CNKSR2: variants seen among roughly 807,000 people sequenced by gnomAD.
CNKSR2 encodes connector enhancer of kinase suppressor of Ras 2, also known as CNK homolog protein 2.
CNKSR2 carries 14 observed loss-of-function variants against 84.4 expected under a neutral mutation model. The observed-to-expected ratio is 0.17, with a 90% CI of 0.11 to 0.26. The LOEUF (loss-of-function observed/expected upper bound fraction) is 0.26, where lower values mean the gene tolerates loss of function less well. Ranked by LOEUF, CNKSR2 falls within the 10% of genes least tolerant of loss-of-function variation. The pLI is 1.00. For missense variants in CNKSR2, 485 were observed against 771.2 expected, an observed-to-expected ratio of 0.63 and a Z score of 4.40; for synonymous variants, 275 against 277.9, an observed-to-expected ratio of 0.99 and a Z score of 0.10.
rs181751789 is a variant in CNKSR2 at position 21,410,399 on chromosome X, G to A, written c.65-16098G>A. The stretch of plus-strand genomic sequence containing the variant: ...TATAAATTTTAGGAGAATAAAACAG[G>A]GCCTTCAAAATAGGCTGTTTTCCTG... On this transcript the variant is annotated intron_variant, in intron 1 of 21. Transcript: ENST00000379510. Among the ~76,000 whole-genome samples the A allele has an allele frequency of 3.1e-3, 345 of 110,397 alleles. 1 individual carries two copies. The highest frequency in any genetic ancestry group is 3.6e-3 in the Non-Finnish European group (189 of 52,602).
At chrX:21,576,246 A>T (rs1198300731) in intron 13 of CNKSR2, among the ~76,000 whole-genome samples, 1 of 112,644 alleles carries the variant, frequency 8.9e-6, no homozygotes, top group East Asian at 2.8e-4. Context: ...AATGAAATCA[A>T]ACTAGACATC....
chrX:21,494,962 G>A (rs1314067874), intron 6 of CNKSR2: 2 of 111,493 alleles, frequency 1.8e-5, no homozygotes, highest in African/African-American at 6.5e-5. Context: ...AAGAGAGATG[G>A]GTAATTGAAA....
intron 8 of CNKSR2, among the ~76,000 whole-genome samples, chrX:21,507,848 T>G (rs2091629608): frequency 8.9e-6 from 1 of 111,915 alleles, no homozygotes; most frequent in Non-Finnish European, 1.9e-5. Flanking sequence ...GCTTTAACAT[T>G]TTAGATAAGG....
rs1050547515 is a variant in CNKSR2 at position 21,524,922 on chromosome X, A to G, written c.958-1945A>G. Reference sequence around the variant, plus strand: ...AGAGCATTTAAAAAGCATACTGAATATTAGTTTTTCTCTCACAGTGTATCT... The same window carrying G: ...AGAGCATTTAAAAAGCATACTGAATGTTAGTTTTTCTCTCACAGTGTATCT... On this transcript the variant is annotated intron_variant, in intron 9 of 21. Coordinates refer to ENST00000379510, the MANE Select transcript of CNKSR2 (RefSeq NM_014927.5). Among the ~76,000 whole-genome samples the G allele has an allele frequency of 1.4e-4, 16 of 111,714 alleles. 1 individual carries two copies. Among genetic ancestry groups the G allele is most frequent in the Admixed American group, 1.4e-3 (15 of 10,549 alleles).
At chrX:21,417,872 CT>C (rs1187130866) in intron 1 of CNKSR2, among the ~76,000 whole-genome samples, 1 of 111,199 alleles carries the variant, frequency 9.0e-6, no homozygotes, top group African/African-American at 3.3e-5. Flanking sequence ...CACTCTATGA[CT>C]TTTTATTGGA....
intron 11 of CNKSR2, among the ~76,000 whole-genome samples, chrX:21,544,812 G>C (rs1387622285): frequency 9.0e-6 from 1 of 111,254 alleles, no homozygotes; most frequent in Non-Finnish European, 1.9e-5. Context: ...CCCTAGCCAA[G>C]GGAAGCCATG....
chrX:21,466,649 A>G lies in CNKSR2; in HGVS notation c.520-4117A>G, dbSNP rs752160423. On this transcript the variant is annotated intron_variant, in intron 4 of 21. Coordinates refer to ENST00000379510, the MANE Select transcript of CNKSR2 (RefSeq NM_014927.5). ...ACCCAGGCTGGAGTGCAGTGGTGCA[A>G]TCTTGGCTCACTGCAACCTCTACCT... Among the ~76,000 whole-genome samples, 130 of 110,959 alleles carry G rather than the reference A, an allele frequency of 1.2e-3. 2 individuals carry two copies. The highest frequency in any genetic ancestry group is 3.9e-3 in the African/African-American group (120 of 30,499).
At chrX:21,503,875 A>G (rs1359775718) in intron 8 of CNKSR2, 1 of 111,280 alleles carries the variant, frequency 9.0e-6, no homozygotes, top group African/African-American at 3.3e-5. Context: ...GAGCTCAATA[A>G]CAACTTTGCA....
At chrX:21,427,520 G>A (rs1313318488) in intron 2 of CNKSR2, 1 of 111,449 alleles carries the variant, frequency 9.0e-6, no homozygotes, top group Non-Finnish European at 1.9e-5. Flanking sequence ...AACAAGCTGA[G>A]TTGACTAGTC....
chrX:21,394,146 ATAAT>A (rs1661041805), intron 1 of CNKSR2, among the ~76,000 whole-genome samples: 1 of 112,080 alleles, frequency 8.9e-6, no homozygotes, highest in South Asian at 3.7e-4. Flanking sequence ...TAGCTGAGGA[ATAAT>A]TAATATATAG....
At chrX:21,523,391 A>G (rs1428090367) in intron 9 of CNKSR2, among the ~76,000 whole-genome samples, 1 of 111,420 alleles carries the variant, frequency 9.0e-6, no homozygotes, top group Non-Finnish European at 1.9e-5. Context: ...AAGTGTTGAT[A>G]GTTCCTAATT....
intron 10 of CNKSR2, 47 bp from the exon 11 acceptor site, chrX:21,531,809 C>A: frequency 1.1e-6 from 1 of 927,035 alleles, no homozygotes; most frequent in Non-Finnish European, 1.5e-6. Flanking sequence ...CCATTTACTA[C>A]CCTAACATGT....
intron 10 of CNKSR2, among the ~76,000 whole-genome samples, chrX:21,529,283 A>G (rs2091863898): frequency 9.0e-6 from 1 of 111,381 alleles, no homozygotes; most frequent in African/African-American, 3.2e-5. Context: ...AAAAGATAAA[A>G]CACTCATGTA....
intron 21 of CNKSR2, among the ~76,000 whole-genome samples, chrX:21,651,432 C>T (rs1015803806): frequency 9.0e-6 from 1 of 111,676 alleles, no homozygotes; most frequent in African/African-American, 3.3e-5. Flanking sequence ...CAACTCACAA[C>T]ATCCTCAGTC....
chrX:21,543,008 A>G (rs948446966), intron 11 of CNKSR2, among the ~76,000 whole-genome samples: 1 of 112,545 alleles, frequency 8.9e-6, no homozygotes, highest in Admixed American at 9.4e-5. Flanking sequence ...AGAGAAAATC[A>G]AATACTATGT....
chrX:21,619,830 A>G (rs923549450), intron 20 of CNKSR2, among the ~76,000 whole-genome samples: 3 of 110,680 alleles, frequency 2.7e-5, no homozygotes, highest in African/African-American at 9.8e-5. Context: ...AGCAATGCCA[A>G]CACACATGGG....
chrX:21,508,571 T>C (rs964187796), intron 8 of CNKSR2, among the ~76,000 whole-genome samples: 12 of 112,044 alleles, frequency 1.1e-4, no homozygotes, highest in Admixed American at 7.6e-4. Flanking sequence ...GCTTTTAGTT[T>C]TCTGTAGCAT....
At chrX:21,438,200 G>A (rs1237431720) in intron 3 of CNKSR2, among the ~76,000 whole-genome samples, 5 of 111,887 alleles carry the variant, frequency 4.5e-5, no homozygotes, top group Admixed American at 2.8e-4. Context: ...GGTATAGCCT[G>A]TTGCTCCTAG....
At chrX:21,574,541 G>T (rs1295787420) in intron 13 of CNKSR2, among the ~76,000 whole-genome samples, 1 of 111,495 alleles carries the variant, frequency 9.0e-6, no homozygotes, top group African/African-American at 3.3e-5. Context: ...TGAAGGGGAG[G>T]GGAAAGCCCC....
Sources: allele counts gnomAD v4.1 joint callset (sites outside exome capture counted in the v4.1 genomes callset), GRCh38; gene constraint gnomAD v4.1.1; transcripts MANE v1.5; gene names NCBI Gene and HGNC (gene_info 2026-07-23, HGNC 2026-07-21).